GFRA1: variants seen among roughly 807,000 people sequenced by gnomAD.
GFRA1 encodes the protein GDNF family receptor alpha 1, also known as GDNF family receptor alpha-1.
In GFRA1, 16 loss-of-function variants were observed where a neutral mutation model predicts 51.6. The observed-to-expected ratio is 0.31, with a 90% confidence interval of 0.21 to 0.47. The LOEUF (loss-of-function observed/expected upper bound fraction) is 0.47, where lower values mean the gene tolerates loss of function less well. Among genes scored for constraint, GFRA1 ranks in the 20% least tolerant of loss-of-function variants. The probability of loss-of-function intolerance (pLI) is 1.00; values close to 1 mark genes in which losing one functional copy is unlikely to be tolerated. For missense variants in GFRA1, 530 were observed against 594.3 expected, an observed-to-expected ratio of 0.89 and a Z score of 1.13; for synonymous variants, 270 against 241.3, an observed-to-expected ratio of 1.12 and a Z score of -1.10.
chr10:116,148,024 G>A (rs1056121028), intron 5 of GFRA1, among the ~76,000 whole-genome samples: 27 of 147,266 alleles, frequency 1.8e-4, no homozygotes, highest in South Asian at 4.4e-4. Flanking sequence ...GTGTGTGCGC[G>A]CATGCATGTG....
At chr10:116,151,271 T>C (rs1320611228) in intron 5 of GFRA1, among the ~76,000 whole-genome samples, 1 of 152,156 alleles carries the variant, frequency 6.6e-6, no homozygotes, top group Non-Finnish European at 1.5e-5. Flanking sequence ...TGAAGCAAGT[T>C]GGGTTGGCCT....
intron 4 of GFRA1, among the ~76,000 whole-genome samples, chr10:116,241,678 T>G (rs981882521): frequency 4.6e-5 from 7 of 152,228 alleles, no homozygotes; most frequent in Non-Finnish European, 1.0e-4. Context: ...GCATTTGCCA[T>G]GCTACTTGTG....
At chr10:116,107,429 C>G (rs1333519051) in intron 6 of GFRA1, among the ~76,000 whole-genome samples, 1 of 152,188 alleles carries the variant, frequency 6.6e-6, no homozygotes, top group Non-Finnish European at 1.5e-5. Flanking sequence ...AATTGATCCC[C>G]TTTTTTAAGG....
At chr10:116,198,075 G>C (rs1231086737) in intron 5 of GFRA1, among the ~76,000 whole-genome samples, 1 of 152,190 alleles carries the variant, frequency 6.6e-6, no homozygotes. Context: ...AGCTAAAAGG[G>C]CTGAACTTGT....
intron 4 of GFRA1, among the ~76,000 whole-genome samples, chr10:116,230,518 A>G (rs1966609994): frequency 6.6e-6 from 1 of 152,212 alleles, no homozygotes; most frequent in African/African-American, 2.4e-5. Context: ...ACACACATAT[A>G]TAGATATAAA....
chr10:116,241,722 T>C (rs1396085564), intron 4 of GFRA1, among the ~76,000 whole-genome samples: 1 of 152,190 alleles, frequency 6.6e-6, no homozygotes, highest in Non-Finnish European at 1.5e-5. Context: ...GACGCTTTTG[T>C]TGTTATGTAC....
At chr10:116,065,157 C>CTCACCTG (rs1364492985) in intron 10 of GFRA1, among the ~76,000 whole-genome samples, 1 of 152,192 alleles carries the variant, frequency 6.6e-6, no homozygotes, top group Non-Finnish European at 1.5e-5. Flanking sequence ...TTTCGGTCTC[C>CTCACCTG]TCACCTGTAA....
intron 9 of GFRA1, among the ~76,000 whole-genome samples, chr10:116,082,143 G>C (rs1221914244): frequency 6.6e-6 from 1 of 152,178 alleles, no homozygotes; most frequent in East Asian, 1.9e-4. Flanking sequence ...GTCAGCATTG[G>C]TTAAAGAGAT....
chr10:116,245,426 C>A (rs756125184), intron 4 of GFRA1, among the ~76,000 whole-genome samples: 1 of 152,176 alleles, frequency 6.6e-6, no homozygotes, highest in African/African-American at 2.4e-5. Context: ...AGCCTGACAC[C>A]ACCAAATGCT....
chr10:116,238,007 C>T (rs1243629420), intron 4 of GFRA1, among the ~76,000 whole-genome samples: 1 of 152,184 alleles, frequency 6.6e-6, no homozygotes, highest in Non-Finnish European at 1.5e-5. Context: ...CACAGCTCTT[C>T]CTCGACCAAG....
chr10:116,227,296 G>C (rs1030718485), intron 4 of GFRA1, among the ~76,000 whole-genome samples: 9 of 152,316 alleles, frequency 5.9e-5, no homozygotes, highest in Non-Finnish European at 1.5e-5. Flanking sequence ...CTGTCAGGTT[G>C]CTTCTGTAGC....
At chr10:116,236,563 G>C (rs912566259) in intron 4 of GFRA1, among the ~76,000 whole-genome samples, 7 of 152,264 alleles carry the variant, frequency 4.6e-5, no homozygotes, top group Non-Finnish European at 1.0e-4. Context: ...GCAGGCAACT[G>C]ATGAAAAATA....
At chr10:116,253,358 A>G (rs1565682059) in intron 4 of GFRA1, among the ~76,000 whole-genome samples, 1 of 152,198 alleles carries the variant, frequency 6.6e-6, no homozygotes, top group Non-Finnish European at 1.5e-5. Context: ...CTGTAAACCC[A>G]GCACTTTAGG....
rs189751648 is a variant in GFRA1 at position 116,058,675 on chromosome 10, G to C, written c.*5723C>G. 2 of 152,296 alleles carry C rather than the reference G, an allele frequency of 1.3e-5. No individual in the cohort carries two copies. Among genetic ancestry groups the C allele is most frequent in the African/African-American group, 4.8e-5 (2 of 41,472 alleles). The allele number at this position is 152,296 out of a possible 1,614,324, so 9.4% of individuals were successfully genotyped here. A position where few individuals can be genotyped will look rare whatever the true frequency, so the allele number is the denominator to read the frequency against. ...TTCTGCCAATCTGGAAGGGATGGGT[G>C]TTTCCCTAAGCTGCTGTCAGAGGGC... On this transcript the variant is annotated 3_prime_UTR_variant, in exon 11 of 11. Transcript: ENST00000355422.
chr10:116,067,264 G>T (rs1955156441), intron 9 of GFRA1, among the ~76,000 whole-genome samples: 2 of 152,176 alleles, frequency 1.3e-5, no homozygotes, highest in Admixed American at 6.5e-5. Flanking sequence ...TTTTATTTCT[G>T]TTCAAGTTTG....
intron 4 of GFRA1, among the ~76,000 whole-genome samples, chr10:116,265,021 C>G (rs1346583868): frequency 6.6e-6 from 1 of 152,184 alleles, no homozygotes; most frequent in Non-Finnish European, 1.5e-5. Flanking sequence ...AAAATAATGA[C>G]TTAAATATGA....
At chr10:116,152,283 T>G (rs183313224) in intron 5 of GFRA1, among the ~76,000 whole-genome samples, 1 of 152,324 alleles carries the variant, frequency 6.6e-6, no homozygotes, top group Non-Finnish European at 1.5e-5. Flanking sequence ...AATAAGCCAG[T>G]ACCCCACGCT....
At chr10:116,234,975 T>C (rs1428973553) in intron 4 of GFRA1, among the ~76,000 whole-genome samples, 1 of 152,198 alleles carries the variant, frequency 6.6e-6, no homozygotes, top group Non-Finnish European at 1.5e-5. Flanking sequence ...GCTGTTGCCA[T>C]GTGAAGAAGA....
intron 4 of GFRA1, among the ~76,000 whole-genome samples, chr10:116,235,083 C>T (rs748329354): frequency 9.2e-5 from 14 of 152,146 alleles, no homozygotes; most frequent in Non-Finnish European, 1.6e-4. Flanking sequence ...TTATAAATTA[C>T]CCAGTCGCAG....
Sources: gnomAD v4.1 joint callset for allele counts (sites outside exome capture counted in the v4.1 genomes callset) on GRCh38, gnomAD v4.1.1 for gene constraint, MANE v1.5 for transcripts, NCBI Gene and HGNC (gene_info 2026-07-23, HGNC 2026-07-21) for gene names.